Variants in SCN8A observed in about 807,000 individuals in gnomAD.
SCN8A encodes sodium voltage-gated channel alpha subunit 8.
A neutral mutation model predicts 184.1 loss-of-function variants in SCN8A; 30 were observed. That is an observed-to-expected ratio of 0.16 (90% CI 0.12 to 0.22). The LOEUF (loss-of-function observed/expected upper bound fraction) is 0.22. Ranked by LOEUF, SCN8A falls within the 10% of genes least tolerant of loss-of-function variation. The probability of loss-of-function intolerance (pLI) is 1.00; values close to 1 mark genes in which losing one functional copy is unlikely to be tolerated. For missense variants in SCN8A, 1,057 were observed against 2,498.9 expected, an observed-to-expected ratio of 0.42 and a Z score of 12.30; for synonymous variants, 852 against 907.0, an observed-to-expected ratio of 0.94 and a Z score of 1.09.
intron 2 of SCN8A, among the ~76,000 whole-genome samples, chr12:51,681,335 G>A (rs1222538699): frequency 6.6e-6 from 1 of 152,198 alleles, no homozygotes; most frequent in African/African-American, 2.4e-5. Context: ...GATAGGTGGT[G>A]TTCCTCTCCT....
At chr12:51,665,712 A>T (rs1941020245) in intron 2 of SCN8A, among the ~76,000 whole-genome samples, 1 of 152,182 alleles carries the variant, frequency 6.6e-6, no homozygotes, top group East Asian at 1.9e-4. Context: ...CATAACATAG[A>T]TTAACAGGAG....
In SCN8A at chr12:51,808,081, A is replaced by G. The variant is rs1483957402; in HGVS notation, c.*652A>G. On this transcript the variant is annotated 3_prime_UTR_variant, in exon 27 of 27. Transcript: ENST00000627620. ...CGTTCAATGCGTAGAAATGATTTGC[A>G]TGATGGCATGCCGTGATCAGAAGTC... The G allele has an allele frequency of 1.8e-5, 3 of 165,662 alleles. No individual in the cohort carries two copies. Among genetic ancestry groups the G allele is most frequent in the African/African-American group, 7.2e-5 (3 of 41,470 alleles). 10.3% of individuals were successfully genotyped at this position (165,662 alleles called of 1,614,324 possible).
intron 21 of SCN8A, among the ~76,000 whole-genome samples, chr12:51,785,943 C>T (rs949710991): frequency 2.0e-5 from 3 of 152,192 alleles, no homozygotes; most frequent in South Asian, 4.2e-4. Context: ...CACATCTGTT[C>T]AGATTTTATT....
At chr12:51,693,399 G>A (rs552657170) in intron 6 of SCN8A, among the ~76,000 whole-genome samples, 2 of 152,322 alleles carry the variant, frequency 1.3e-5, no homozygotes, top group Admixed American at 6.5e-5. Flanking sequence ...ACTTTGTGAT[G>A]TGAATCAGGT....
At chr12:51,737,962 C>G (rs941311248) in intron 12 of SCN8A, among the ~76,000 whole-genome samples, 2 of 152,148 alleles carry the variant, frequency 1.3e-5, no homozygotes, top group African/African-American at 4.8e-5. Context: ...GTTCAGCAAG[C>G]AATTTCTCTA....
At chr12:51,764,486 T>C (rs917562815) in intron 15 of SCN8A, among the ~76,000 whole-genome samples, 3 of 151,856 alleles carry the variant, frequency 2.0e-5, no homozygotes, top group Non-Finnish European at 2.9e-5. Context: ...AATACAAAAA[T>C]TAGCCGGGCA....
chr12:51,618,490 C>G (rs1939892728), intron 1 of SCN8A, among the ~76,000 whole-genome samples: 1 of 150,714 alleles, frequency 6.6e-6, no homozygotes, highest in Non-Finnish European at 1.5e-5. Flanking sequence ...CACACACACA[C>G]ACACACACAC....
intron 1 of SCN8A, among the ~76,000 whole-genome samples, chr12:51,594,319 A>G (rs982703497): frequency 6.6e-6 from 1 of 152,206 alleles, no homozygotes; most frequent in Admixed American, 6.5e-5. Flanking sequence ...AATTGGAGCT[A>G]TATCGGGGTA....
At chr12:51,629,989 G>C (rs971860305) in intron 1 of SCN8A, among the ~76,000 whole-genome samples, 1 of 151,998 alleles carries the variant, frequency 6.6e-6, no homozygotes, top group Non-Finnish European at 1.5e-5. Context: ...GGAGTGCCGG[G>C]GAAATTATAA....
chr12:51,787,132 G>T lies in SCN8A; in HGVS notation c.4227+306G>T, dbSNP rs188424824. On this transcript the variant is annotated intron_variant, in intron 22 of 26. Coordinates refer to ENST00000627620, the MANE Select transcript of SCN8A (RefSeq NM_001330260.2). The stretch of plus-strand genomic sequence containing the variant: ...AGAGATCATCTTCCCTTCCCGGTCA[G>T]AGAGTGCAGTTAAGGGCAAAAAAAA... 4.6e-4 allele frequency among the ~76,000 whole-genome samples: 70 copies of T among 152,272 alleles called. 6 individuals are homozygous for T. Among genetic ancestry groups the T allele is most frequent in the African/African-American group, 1.6e-3 (68 of 41,548 alleles).
At chr12:51,686,090 G>T (rs1941415012) in intron 3 of SCN8A, among the ~76,000 whole-genome samples, 1 of 152,188 alleles carries the variant, frequency 6.6e-6, no homozygotes, top group Non-Finnish European at 1.5e-5. Flanking sequence ...CTGAAAAGTG[G>T]TTAGGGGAAC....
intron 21 of SCN8A, among the ~76,000 whole-genome samples, chr12:51,785,849 G>A (rs1208369225): frequency 6.6e-6 from 1 of 152,178 alleles, no homozygotes; most frequent in Non-Finnish European, 1.5e-5. Context: ...GACAGCATTA[G>A]CCAAGCAGGG....
intron 2 of SCN8A, among the ~76,000 whole-genome samples, chr12:51,677,056 G>GTTTTATTTTATTTTA (rs58540656): frequency 0.012 from 1,536 of 133,162 alleles, 69 homozygotes; most frequent in Admixed American, 0.029. Flanking sequence ...TTATTGTTTT[G>GTTTTATTTTATTTTA]TTTTATTTTA....
At position 51,790,514 on chromosome 12, in the gene SCN8A, G is replaced by T. The variant is rs370931597; in HGVS notation, c.4524+12G>T. ...TTCCCCGCCCCTTGGTAAGTGCATT[G>T]TGCAGGCTGAGGCCTTGGTGAGAAC... On this transcript the variant is annotated intron_variant, in intron 25 of 26. Transcript: ENST00000627620. 21 of 1,575,292 alleles carry T rather than the reference G, an allele frequency of 1.3e-5. No homozygotes were observed. Among genetic ancestry groups the T allele is most frequent in the Non-Finnish European group, 1.7e-5 (20 of 1,148,680 alleles).
chr12:51,742,234 T>C (rs1233672405), intron 12 of SCN8A, among the ~76,000 whole-genome samples: 1 of 152,216 alleles, frequency 6.6e-6, no homozygotes, highest in East Asian at 1.9e-4. Flanking sequence ...CATGCCACAA[T>C]TACAGTGTTA....
chr12:51,690,410 T>C (rs1054326701), intron 6 of SCN8A, among the ~76,000 whole-genome samples: 20 of 151,954 alleles, frequency 1.3e-4, no homozygotes, highest in African/African-American at 4.8e-4. Flanking sequence ...CAGGCTGGAG[T>C]GGTACGATGA....
At chr12:51,653,017 C>T (rs12423042) in intron 1 of SCN8A, among the ~76,000 whole-genome samples, 4,036 of 152,078 alleles carry the variant, frequency 0.027, 148 homozygotes, top group East Asian at 0.089. Flanking sequence ...CCATCATAAC[C>T]ATTTTTAAAT....
chr12:51,676,998 T>C (rs1045806709), intron 2 of SCN8A, among the ~76,000 whole-genome samples: 8 of 152,208 alleles, frequency 5.3e-5, no homozygotes, highest in Non-Finnish European at 7.3e-5. Context: ...TCTCCACCCC[T>C]GCATTGAGTA....
intron 1 of SCN8A, among the ~76,000 whole-genome samples, chr12:51,611,216 GTCTC>G: frequency 6.8e-6 from 1 of 148,136 alleles, no homozygotes; most frequent in South Asian, 2.1e-4. Flanking sequence ...TTGAGACAGA[GTCTC>G]TCTGTCGCCC....
Sources: gnomAD v4.1 joint callset for allele counts (sites outside exome capture counted in the v4.1 genomes callset) on GRCh38, gnomAD v4.1.1 for gene constraint, MANE v1.5 for transcripts, NCBI Gene and HGNC (gene_info 2026-07-23, HGNC 2026-07-21) for gene names.